Variants in NRG1 observed in about 807,000 individuals in gnomAD.
The protein encoded by NRG1 is neuregulin 1, also known as pro-neuregulin-1, membrane-bound isoform.
Under a neutral mutation model 63.8 loss-of-function variants are expected in NRG1, and 18 were observed. The observed-to-expected ratio is 0.28, with a 90% confidence interval of 0.19 to 0.42. The LOEUF (loss-of-function observed/expected upper bound fraction) is 0.42, where lower values mean the gene tolerates loss of function less well. Among genes scored for constraint, NRG1 ranks in the 10% least tolerant of loss-of-function variants. The pLI is 1.00. For synonymous variants in NRG1, 302 were observed against 301.3 expected (o/e 1.00, Z -0.02); for missense variants, 762 against 814.7 (o/e 0.94, Z 0.79).
intron 1 of NRG1, among the ~76,000 whole-genome samples, chr8:32,065,710 A>C (rs909845304): frequency 6.6e-6 from 1 of 152,106 alleles, no homozygotes; most frequent in Non-Finnish European, 1.5e-5. Context: ...CAGTAATGGG[A>C]TTGCTGGGTC....
chr8:32,156,734 C>T (rs1290540570), intron 1 of NRG1, among the ~76,000 whole-genome samples: 5 of 152,138 alleles, frequency 3.3e-5, no homozygotes, highest in African/African-American at 1.2e-4. Flanking sequence ...GTTCAAGGGC[C>T]CAGGAGTGCC....
At chr8:32,673,618 A>AGTCTTGTAGTTTCTTCCATGTG (rs1465262557) in intron 5 of NRG1, among the ~76,000 whole-genome samples, 1 of 152,162 alleles carries the variant, frequency 6.6e-6, no homozygotes, top group Non-Finnish European at 1.5e-5. Flanking sequence ...CAACCTACTA[A>AGTCTTGTAGTTTCTTCCATGTG]GTCTTGTAGT....
intron 1 of NRG1, among the ~76,000 whole-genome samples, chr8:31,728,831 C>G (rs1156316638): frequency 6.6e-6 from 1 of 152,094 alleles, no homozygotes; most frequent in Non-Finnish European, 1.5e-5. Flanking sequence ...TCATAAAACT[C>G]AGGGTCATAT....
chr8:32,491,362 T>C (rs1587948811), intron 1 of NRG1, among the ~76,000 whole-genome samples: 1 of 152,324 alleles, frequency 6.6e-6, no homozygotes, highest in East Asian at 1.9e-4. Context: ...TATTTCAATA[T>C]GCTTATAAAA....
In NRG1 at chr8:31,862,715, C is replaced by A. The variant is rs1828578812; in HGVS notation, c.37+223284C>A. Among the ~76,000 whole-genome samples, 2 of 152,264 alleles carry A rather than the reference C, an allele frequency of 1.3e-5. 1 individual carries two copies. The highest frequency in any genetic ancestry group is 6.8e-3 in the Middle Eastern group (2 of 294). ...GCTAAATATGCTAAGAGAATGACTT[C>A]AAATATGCAGCCTTTATGAAGATGT... is the stretch of plus-strand genomic sequence containing the variant. On this transcript the variant is annotated intron_variant, in intron 1 of 10. Coordinates refer to the NRG1 transcript ENST00000519301.
chr8:31,887,240 T>C (rs933319632), intron 1 of NRG1, among the ~76,000 whole-genome samples: 4 of 151,980 alleles, frequency 2.6e-5, no homozygotes, highest in African/African-American at 7.2e-5. Flanking sequence ...ATTTGTGAGA[T>C]AGAATAGTAA....
chr8:32,692,847 C>G (rs555339149), intron 5 of NRG1, among the ~76,000 whole-genome samples: 2 of 152,120 alleles, frequency 1.3e-5, no homozygotes, highest in Non-Finnish European at 1.5e-5. Context: ...CCTTCTCTAC[C>G]GCCACTCCTT....
intron 1 of NRG1, among the ~76,000 whole-genome samples, chr8:31,939,168 C>T (rs1161796346): frequency 1.3e-5 from 2 of 152,098 alleles, no homozygotes; most frequent in Non-Finnish European, 2.9e-5. Flanking sequence ...GAGGCAAAAG[C>T]GTCAGGTAAC....
At chr8:31,876,372 G>C (rs1034275799) in intron 1 of NRG1, among the ~76,000 whole-genome samples, 2 of 152,108 alleles carry the variant, frequency 1.3e-5, no homozygotes, top group African/African-American at 4.8e-5. Context: ...TTCTGTTTGA[G>C]GTTGGAAAAT....
At chr8:32,228,290 G>A (rs773560566) in intron 1 of NRG1, among the ~76,000 whole-genome samples, 1 of 152,102 alleles carries the variant, frequency 6.6e-6, no homozygotes, top group South Asian at 2.1e-4. Flanking sequence ...ATCACTTAAA[G>A]TTCACAAATG....
chr8:32,681,995 G>T (rs1409893378), intron 5 of NRG1, among the ~76,000 whole-genome samples: 1 of 152,080 alleles, frequency 6.6e-6, no homozygotes, highest in East Asian at 1.9e-4. Context: ...CTATGTGCAA[G>T]GCACGTATTC....
intron 1 of NRG1, among the ~76,000 whole-genome samples, chr8:32,360,388 T>C (rs932656377): frequency 6.6e-6 from 1 of 152,216 alleles, no homozygotes; most frequent in Non-Finnish European, 1.5e-5. Context: ...CAATTCTCTT[T>C]CTATTATCTC....
At chr8:31,740,661 G>A (rs1815173372) in intron 1 of NRG1, among the ~76,000 whole-genome samples, 1 of 150,500 alleles carries the variant, frequency 6.6e-6, no homozygotes, top group Admixed American at 6.7e-5. Flanking sequence ...GTATGTACCT[G>A]TGTGAGTGCA....
chr8:32,349,548 C>G (rs1805332245), intron 1 of NRG1, among the ~76,000 whole-genome samples: 4 of 152,072 alleles, frequency 2.6e-5, no homozygotes. Context: ...CAGAGCATTT[C>G]TAGATAATGA....
chr8:32,421,170 A>C (rs34645669), intron 1 of NRG1, among the ~76,000 whole-genome samples: 8,471 of 152,282 alleles, frequency 0.056, 315 homozygotes, highest in Middle Eastern at 0.088. Flanking sequence ...TGTGAAGTAC[A>C]ACAATTTTTT....
At chr8:32,575,923 C>T (rs1364699073) in intron 1 of NRG1, among the ~76,000 whole-genome samples, 2 of 152,054 alleles carry the variant, frequency 1.3e-5, no homozygotes, top group Non-Finnish European at 2.9e-5. Context: ...CTTCAAGCAA[C>T]CTTCATAGGA....
At chr8:32,375,437 T>C (rs1463811026) in intron 1 of NRG1, among the ~76,000 whole-genome samples, 2 of 152,222 alleles carry the variant, frequency 1.3e-5, no homozygotes, top group Non-Finnish European at 2.9e-5. Flanking sequence ...GTTGTATATT[T>C]GATAATAGCA....
chr8:32,376,760 A>G (rs913304621), intron 1 of NRG1, among the ~76,000 whole-genome samples: 5 of 152,122 alleles, frequency 3.3e-5, no homozygotes, highest in Non-Finnish European at 7.3e-5. Flanking sequence ...GCAGCTTTTG[A>G]TTCTGACCAT....
chr8:32,484,068 A>C (rs940845933), intron 1 of NRG1, among the ~76,000 whole-genome samples: 1 of 150,960 alleles, frequency 6.6e-6, no homozygotes, highest in Admixed American at 6.6e-5. Context: ...GCACCACTGC[A>C]CTCCAGCCTG....
Sources: gnomAD v4.1 joint callset for allele counts (sites outside exome capture counted in the v4.1 genomes callset) on GRCh38, gnomAD v4.1.1 for gene constraint, MANE v1.5 for transcripts, NCBI Gene and HGNC (gene_info 2026-07-23, HGNC 2026-07-21) for gene names.